Variants in FAM193A observed in about 807,000 individuals in gnomAD.
FAM193A encodes the protein protein FAM193A.
Under a neutral mutation model 126.5 loss-of-function variants are expected in FAM193A, and 22 were observed. The ratio of observed to expected loss-of-function variants is 0.17; its 90% CI spans 0.12 to 0.25. FAM193A has a LOEUF of 0.25. Among genes scored for constraint, FAM193A ranks in the 10% least tolerant of loss-of-function variants. The probability of loss-of-function intolerance (pLI) is 1.00; values close to 1 mark genes in which losing one functional copy is unlikely to be tolerated. For missense variants in FAM193A, 1,675 were observed against 1,672.8 expected (o/e 1.00, Z -0.02); for synonymous variants, 761 against 646.8 (o/e 1.18, Z -2.68).
At chr4:2,701,379 C>T (rs139712559) in intron 19 of FAM193A, among the ~76,000 whole-genome samples, 38 of 150,920 alleles carry the variant, frequency 2.5e-4, no homozygotes, top group Admixed American at 2.0e-3. Flanking sequence ...TCCTTTGGAT[C>T]GGTTTCTCTG....
chr4:2,656,932 C>T (rs979670521), intron 7 of FAM193A, among the ~76,000 whole-genome samples: 2 of 152,106 alleles, frequency 1.3e-5, no homozygotes, highest in Non-Finnish European at 1.5e-5. Flanking sequence ...TTTGGGAGGC[C>T]GAGGCAGGTG....
At chr4:2,651,528 G>C (rs144986889) in intron 7 of FAM193A, among the ~76,000 whole-genome samples, 1 of 152,276 alleles carries the variant, frequency 6.6e-6, no homozygotes, top group African/African-American at 2.4e-5. Context: ...CCACACTTCT[G>C]AGCCATCACA....
At chr4:2,722,990 T>C (rs1354318646) in intron 20 of FAM193A, among the ~76,000 whole-genome samples, 2 of 152,220 alleles carry the variant, frequency 1.3e-5, no homozygotes, top group South Asian at 2.1e-4. Flanking sequence ...AAGTATACTT[T>C]AGGCCGGGCG....
chr4:2,663,828 A>C (rs1329124321), intron 12 of FAM193A, among the ~76,000 whole-genome samples: 1 of 152,298 alleles, frequency 6.6e-6, no homozygotes, highest in East Asian at 1.9e-4. Flanking sequence ...TTAGCTGGGC[A>C]TGGTGGTGGG....
intron 2 of FAM193A, among the ~76,000 whole-genome samples, chr4:2,624,256 A>C (rs1742747813): frequency 6.6e-6 from 1 of 151,852 alleles, no homozygotes; most frequent in Non-Finnish European, 1.5e-5. Context: ...GGCTCACTGC[A>C]ACCTCAGCCT....
At chr4:2,575,262 T>C (rs1478212400) in intron 1 of FAM193A, among the ~76,000 whole-genome samples, 1 of 152,136 alleles carries the variant, frequency 6.6e-6, no homozygotes, top group African/African-American at 2.4e-5. Context: ...CGTGGCAGCA[T>C]GTGCAAAAGT....
Position 2,542,893 on chromosome 4 carries a change from C to T in FAM193A, c.255+5723C>T, listed in dbSNP as rs565412282. 1.1e-4 allele frequency among the ~76,000 whole-genome samples: 16 copies of T among 152,256 alleles called. No homozygotes were observed. The South Asian group carries it at 2.9e-3, about 28-fold the overall frequency. On this transcript the variant is annotated intron_variant, in intron 1 of 20. Coordinates refer to ENST00000637812, the MANE Select transcript of FAM193A (RefSeq NM_001366318.2). Reference sequence around the variant, plus strand: ...AGGACCACCTTCATCGAGGTGGCTGCTGAGCCAAAGAGGGTGTTTCTGCAT... The same window carrying T: ...AGGACCACCTTCATCGAGGTGGCTGTTGAGCCAAAGAGGGTGTTTCTGCAT...
chr4:2,693,848 C>A lies in FAM193A; in HGVS notation c.3066C>A (p.Ser1022=), dbSNP rs565030304. ...PAPLPPATDG[S]ISAPPSVCSD... ...CCCTACCCCCGGCCACAGATGGCTC[C>A]ATTAGCGCCCCTCCAAGTGTCTGCA... is the stretch of plus-strand genomic sequence containing the variant. Residue 1022 remains serine, a synonymous_variant, in exon 16 of 21, where the codon TCC becomes TCA. Coordinates refer to ENST00000637812, the MANE Select transcript of FAM193A (RefSeq NM_001366318.2). The A allele has an allele frequency of 3.1e-6, 5 of 1,614,124 alleles. No individual in the cohort carries two copies. In the South Asian group the frequency reaches 3.3e-5, roughly 11 times the overall value.
intron 13 of FAM193A, 28 bp downstream of exon 13, chr4:2,672,400 G>A (rs2056314783): frequency 6.2e-7 from 1 of 1,611,656 alleles, no homozygotes; most frequent in African/African-American, 1.3e-5. Context: ...GGGTCTGAAA[G>A]CTCACTCTTC....
At chr4:2,551,314 C>T (rs2108820419) in intron 1 of FAM193A, among the ~76,000 whole-genome samples, 1 of 152,258 alleles carries the variant, frequency 6.6e-6, no homozygotes, top group East Asian at 1.9e-4. Context: ...GCTGATTTAG[C>T]ACACCAAATC....
chr4:2,624,854 T>A (rs998993036), intron 2 of FAM193A, among the ~76,000 whole-genome samples: 15 of 152,110 alleles, frequency 9.9e-5, no homozygotes, highest in Non-Finnish European at 1.6e-4. Context: ...ATTGTTTCCT[T>A]TTTGTATGTA....
intron 1 of FAM193A, among the ~76,000 whole-genome samples, chr4:2,549,139 A>G (rs1247373268): frequency 6.6e-6 from 1 of 151,430 alleles, no homozygotes; most frequent in Non-Finnish European, 1.5e-5. Context: ...GTGTTTCACC[A>G]TGTTGGCCAT....
Position 2,673,027 on chromosome 4 carries a change from G to A in FAM193A, c.2331+655G>A, listed in dbSNP as rs1010369269. On this transcript the variant is annotated intron_variant, in intron 13 of 20. Transcript: ENST00000637812. ...CATTTCTTCCCAGAGAACCTCATGTGTATACTTAGTATCTTAGACTTTACA... is the reference window on the plus strand; with the variant it reads ...CATTTCTTCCCAGAGAACCTCATGTATATACTTAGTATCTTAGACTTTACA... 3.9e-5 allele frequency among the ~76,000 whole-genome samples: 6 copies of A among 152,186 alleles called. No individual in the cohort carries two copies. The East Asian group carries it at 1.2e-3, about 29-fold the overall frequency.
At chr4:2,584,716 A>G (rs1740136980) in intron 1 of FAM193A, among the ~76,000 whole-genome samples, 1 of 152,048 alleles carries the variant, frequency 6.6e-6, no homozygotes, top group Non-Finnish European at 1.5e-5. Context: ...CATGAGGTCA[A>G]GAAATCGAGA....
intron 5 of FAM193A, among the ~76,000 whole-genome samples, chr4:2,632,255 A>G (rs1743664120): frequency 6.6e-6 from 1 of 152,086 alleles, no homozygotes; most frequent in Non-Finnish European, 1.5e-5. Context: ...TCTCAAGTTG[A>G]TGGACCCTCT....
chr4:2,699,444 CCCCA>C (rs202229861), intron 18 of FAM193A, among the ~76,000 whole-genome samples: 1,974 of 87,652 alleles, frequency 0.023, 165 homozygotes, highest in African/African-American at 0.072. Context: ...CCACCCCCCC[CCCCA>C]CACACACACA....
At chr4:2,623,547 T>C (rs532116962) in intron 2 of FAM193A, among the ~76,000 whole-genome samples, 1 of 152,366 alleles carries the variant, frequency 6.6e-6, no homozygotes, top group South Asian at 2.1e-4. Flanking sequence ...CTGCAAGGCC[T>C]GCACCAGTGT....
chr4:2,578,080 G>T (rs1739710270), intron 1 of FAM193A, among the ~76,000 whole-genome samples: 1 of 151,994 alleles, frequency 6.6e-6, no homozygotes, highest in South Asian at 2.1e-4. Flanking sequence ...TACTTCTTCT[G>T]TTTTTTGTTT....
intron 18 of FAM193A, among the ~76,000 whole-genome samples, 154 bp downstream of exon 18, chr4:2,696,747 C>CT (rs1717085383): frequency 6.6e-6 from 1 of 152,194 alleles, no homozygotes; most frequent in South Asian, 2.1e-4. Flanking sequence ...GCCAGCCTGT[C>CT]TCTGGTGGCC....
Sources: gnomAD v4.1 joint callset for allele counts (sites outside exome capture counted in the v4.1 genomes callset) on GRCh38, gnomAD v4.1.1 for gene constraint, MANE v1.5 for transcripts, NCBI Gene and HGNC (gene_info 2026-07-23, HGNC 2026-07-21) for gene names.